Variants in SLC28A3 observed in about 807,000 individuals in gnomAD.
The protein encoded by SLC28A3 is solute carrier family 28 member 3, also known as concentrative Na(+)-nucleoside cotransporter 3.
In SLC28A3, 68 loss-of-function variants were observed where a neutral mutation model predicts 84.2. That is an observed-to-expected ratio of 0.81 (90% CI 0.66 to 0.99). The LOEUF is 0.99. SLC28A3 is among the 50% of genes least tolerant of loss of function. The probability of loss-of-function intolerance (pLI) is 0.00; values close to 1 mark genes in which losing one functional copy is unlikely to be tolerated. For synonymous variants in SLC28A3, 267 were observed against 303.6 expected (o/e 0.88, Z 1.25); for missense variants, 712 against 841.5 (o/e 0.85, Z 1.90).
At chr9:84,353,538 C>T in the SLC28A3 span, among the ~76,000 whole-genome samples, 1 of 152,096 alleles carries the variant, frequency 6.6e-6, no homozygotes, top group Non-Finnish European at 1.5e-5. Flanking sequence ...GGTGAAACCC[C>T]ATCTCTACTA....
At chr9:84,278,463 G>C in intron 17 of SLC28A3, 119 bp from the exon 18 acceptor site, 2 of 1,328,294 alleles carry the variant, frequency 1.5e-6, no homozygotes, top group Non-Finnish European at 2.0e-6. Context: ...CTCACATTCT[G>C]GTTAGGGTGG....
intron 2 of SLC28A3, chr9:84,310,292 A>T (rs984921435): frequency 2.4e-5 from 14 of 581,814 alleles, no homozygotes; most frequent in Non-Finnish European, 3.0e-5. Context: ...GCTCTAATTA[A>T]TTGAGTGTAG....
chr9:84,282,127 G>A (rs1192348153), intron 14 of SLC28A3, among the ~76,000 whole-genome samples: 3 of 152,164 alleles, frequency 2.0e-5, no homozygotes, highest in African/African-American at 7.2e-5. Context: ...GGGCGACAGA[G>A]TGAGACTCCA....
chr9:84,362,674 T>G, the SLC28A3 span, among the ~76,000 whole-genome samples: 1 of 151,182 alleles, frequency 6.6e-6, no homozygotes. Context: ...AATAAATAAA[T>G]AAATAAATAA....
rs376106004 is a variant in SLC28A3 at position 84,278,179 on chromosome 9, C to T, written c.*39G>A. 6.3e-7 allele frequency: 1 copy of T among 1,584,888 alleles called. No individual in the cohort carries two copies. Among genetic ancestry groups the T allele is most frequent in the Non-Finnish European group, 8.6e-7 (1 of 1,164,176 alleles). Reference sequence around the variant, plus strand: ...TTTCTTTCCAAAGCAGAAAATTCAGCATCTGTACTTCAGAGTTCCACTGGA... The same window carrying T: ...TTTCTTTCCAAAGCAGAAAATTCAGTATCTGTACTTCAGAGTTCCACTGGA... On this transcript the variant is annotated 3_prime_UTR_variant, in exon 18 of 18. Coordinates refer to ENST00000376238, the MANE Select transcript of SLC28A3 (RefSeq NM_001199633.2).
At chr9:84,315,058 G>A (rs1015312355) in intron 1 of SLC28A3, among the ~76,000 whole-genome samples, 1 of 152,004 alleles carries the variant, frequency 6.6e-6, no homozygotes, top group African/African-American at 2.4e-5. Flanking sequence ...CAGCCTGGGC[G>A]ACAGAGCGAG....
intron 13 of SLC28A3, 138 bp downstream of exon 13, chr9:84,285,805 A>G: frequency 1.9e-6 from 2 of 1,038,018 alleles, no homozygotes; most frequent in Non-Finnish European, 2.7e-6. Context: ...GTGGGTGGGA[A>G]GTTGGGGGAT....
At chr9:84,288,245 C>T in intron 11 of SLC28A3, 67 bp from the exon 12 acceptor site, 1 of 1,602,064 alleles carries the variant, frequency 6.2e-7, no homozygotes, top group Non-Finnish European at 8.5e-7. Context: ...AGGAAGGGTC[C>T]AAGAGCTCCG....
intron 5 of SLC28A3, among the ~76,000 whole-genome samples, chr9:84,300,324 ATTTC>A (rs1294163874): frequency 2.0e-5 from 3 of 152,186 alleles, no homozygotes; most frequent in Non-Finnish European, 4.4e-5. Context: ...ATGTCTGGTG[ATTTC>A]TTTAAGAGAG....
At chr9:84,365,138 A>C in the SLC28A3 span, among the ~76,000 whole-genome samples, 2 of 152,120 alleles carry the variant, frequency 1.3e-5, no homozygotes, top group African/African-American at 4.8e-5. Flanking sequence ...ATTCCTACCA[A>C]CAGTGTACAA....
In SLC28A3 at chr9:84,292,660, C is replaced by T; in HGVS notation, c.1023+8G>A. The T allele has an allele frequency of 6.2e-7, 1 of 1,604,158 alleles. No homozygotes were observed. The highest frequency in any genetic ancestry group is 1.1e-5 in the South Asian group (1 of 89,462). On this transcript the variant is annotated splice_region_variant and intron_variant, in intron 10 of 17. Coordinates refer to ENST00000376238, the MANE Select transcript of SLC28A3 (RefSeq NM_001199633.2). The stretch of plus-strand genomic sequence containing the variant: ...CAGATGTTTTGTTCTGTTGATATTA[C>T]AACTTACTTGTCCAACAAATATATT...
the SLC28A3 span, among the ~76,000 whole-genome samples, chr9:84,348,575 G>T: frequency 6.6e-6 from 1 of 152,298 alleles, no homozygotes; most frequent in South Asian, 2.1e-4. Flanking sequence ...CATGTAGTAA[G>T]CATCTGCTGT....
rs755682968 is a variant in SLC28A3 at position 84,278,366 on chromosome 9, C to CAGTT, written c.1950-26_1950-23dup. 41 of 1,613,362 alleles carry CAGTT rather than the reference C, an allele frequency of 2.5e-5. No individual in the cohort carries two copies. The Middle Eastern group carries it at 8.2e-4, about 32-fold the overall frequency. The stretch of plus-strand genomic sequence containing the variant: ...AGTGCTGGTGGAAAGTGGAAAGAAA[C>CAGTT]AGTTACATGAGCCATAGATGGCAGA... On this transcript the variant is annotated intron_variant, in intron 17 of 17. Transcript: ENST00000376238.
At position 84,309,805 on chromosome 9, in the gene SLC28A3, C is replaced by A. The variant is rs998114617; in HGVS notation, c.157-91G>T. The stretch of plus-strand genomic sequence containing the variant: ...CATTGCTCAGAACTCGGGCAAAGAA[C>A]TTTCAATAGGTCCTTTTAAATTATT... On this transcript the variant is annotated intron_variant, in intron 2 of 17. Transcript: ENST00000376238. 1.0e-5 allele frequency: 10 copies of A among 981,552 alleles called. No individual in the cohort carries two copies. In the Admixed American group the frequency reaches 1.0e-4, roughly 10 times the overall value. The allele number at this position is 981,552 out of a possible 1,614,324, so 60.8% of individuals were successfully genotyped here. A position where few individuals can be genotyped will look rare whatever the true frequency, so the allele number is the denominator to read the frequency against.
the SLC28A3 span, among the ~76,000 whole-genome samples, chr9:84,357,680 A>C: frequency 6.6e-6 from 1 of 152,086 alleles, no homozygotes; most frequent in South Asian, 2.1e-4. Context: ...GGGTTGTCCT[A>C]CTCAGTGGGA....
chr9:84,309,365 A>C (rs755466012), intron 3 of SLC28A3, among the ~76,000 whole-genome samples: 7 of 151,928 alleles, frequency 4.6e-5, no homozygotes, highest in Non-Finnish European at 1.0e-4. Flanking sequence ...TCTACTAAAA[A>C]TACAAAAATT....
chr9:84,309,868 A>C (rs1825933217), intron 2 of SLC28A3, among the ~76,000 whole-genome samples, 154 bp from the exon 3 acceptor site: 1 of 151,860 alleles, frequency 6.6e-6, no homozygotes, highest in African/African-American at 2.4e-5. Flanking sequence ...CTGCACAGAC[A>C]TTTTTTTTCC....
chr9:84,330,844 T>TTTTGCA (rs986077627), intron 1 of SLC28A3, among the ~76,000 whole-genome samples: 71 of 152,336 alleles, frequency 4.7e-4, no homozygotes, highest in African/African-American at 1.7e-3. Context: ...ACCTACTTTA[T>TTTTGCA]TTTGCATTTT....
chr9:84,311,606 C>T (rs1470273426), intron 2 of SLC28A3, among the ~76,000 whole-genome samples: 1 of 152,164 alleles, frequency 6.6e-6, no homozygotes, highest in Non-Finnish European at 1.5e-5. Context: ...AATCCCAGCA[C>T]TTTGGGAGGC....
Sources: allele counts gnomAD v4.1 joint callset (sites outside exome capture counted in the v4.1 genomes callset), GRCh38; gene constraint gnomAD v4.1.1; transcripts MANE v1.5; gene names NCBI Gene and HGNC (gene_info 2026-07-23, HGNC 2026-07-21).